The following SCMH1 variants were observed in gnomAD, a reference collection of about 807,000 sequenced individuals.
SCMH1 encodes Scm polycomb group protein homolog 1, also known as polycomb protein SCMH1.
In SCMH1, 37 loss-of-function variants were observed where a neutral mutation model predicts 70.8. The ratio of observed to expected loss-of-function variants is 0.52; its 90% CI spans 0.40 to 0.69. The LOEUF (loss-of-function observed/expected upper bound fraction) is 0.69, where lower values mean the gene tolerates loss of function less well. Among genes scored for constraint, SCMH1 ranks in the 30% least tolerant of loss-of-function variants. The pLI is 0.00. For missense variants in SCMH1, 607 were observed against 827.3 expected (o/e 0.73, Z 3.27); for synonymous variants, 292 against 307.4 (o/e 0.95, Z 0.52).
At chr1:41,132,243 A>G (rs950591708) in intron 6 of SCMH1, among the ~76,000 whole-genome samples, 10 of 152,168 alleles carry the variant, frequency 6.6e-5, no homozygotes, top group Non-Finnish European at 1.3e-4. Context: ...CGCCATTCTA[A>G]CTGGCGTGAG....
chr1:41,039,703 G>C (rs1295461403), intron 12 of SCMH1, among the ~76,000 whole-genome samples: 2 of 151,696 alleles, frequency 1.3e-5, no homozygotes, highest in Non-Finnish European at 2.9e-5. Flanking sequence ...TGAACTCCTG[G>C]CTTCAAGTGA....
chr1:41,151,786 G>T, intron 4 of SCMH1, 102 bp from the exon 5 acceptor site: 1 of 692,668 alleles, frequency 1.4e-6, no homozygotes, highest in African/African-American at 1.8e-5. Context: ...GACTGGTTTT[G>T]AGCATAAAAA....
intron 8 of SCMH1, among the ~76,000 whole-genome samples, chr1:41,097,005 G>T (rs938273596): frequency 1.3e-5 from 2 of 152,168 alleles, no homozygotes; most frequent in Non-Finnish European, 2.9e-5. Context: ...TTTTGGCAAT[G>T]TGCAATATGT....
intron 1 of SCMH1, among the ~76,000 whole-genome samples, chr1:41,222,282 AAGTG>A (rs1290964590): frequency 2.6e-5 from 4 of 152,204 alleles, no homozygotes; most frequent in Non-Finnish European, 5.9e-5. Context: ...CAACTGCTTT[AAGTG>A]ACTTGGTGCT....
At chr1:41,180,236 T>C (rs557885466) in intron 2 of SCMH1, among the ~76,000 whole-genome samples, 55 of 152,310 alleles carry the variant, frequency 3.6e-4, no homozygotes, top group South Asian at 6.2e-4. Flanking sequence ...GAGCTATCTA[T>C]GACAAACCCA....
intron 1 of SCMH1, among the ~76,000 whole-genome samples, chr1:41,213,051 G>A (rs1004027916): frequency 2.0e-5 from 3 of 152,178 alleles, no homozygotes; most frequent in Non-Finnish European, 2.9e-5. Flanking sequence ...GTAGGAACAC[G>A]AATAGTACAG....
intron 1 of SCMH1, among the ~76,000 whole-genome samples, chr1:41,213,168 A>G (rs1188997918): frequency 6.6e-6 from 1 of 152,244 alleles, no homozygotes; most frequent in Non-Finnish European, 1.5e-5. Flanking sequence ...ACATACTTGC[A>G]TTCCCAGCCT....
At chr1:41,236,012 T>C (rs1159346703) in intron 1 of SCMH1, among the ~76,000 whole-genome samples, 1 of 152,214 alleles carries the variant, frequency 6.6e-6, no homozygotes, top group African/African-American at 2.4e-5. Context: ...TTTAGACTAG[T>C]TCAAATTTTT....
chr1:41,054,443 A>G (rs1207599173), intron 10 of SCMH1, among the ~76,000 whole-genome samples: 2 of 152,152 alleles, frequency 1.3e-5, no homozygotes, highest in Admixed American at 6.5e-5. Context: ...TTACAAATAA[A>G]ATTTCTTATT....
intron 13 of SCMH1, among the ~76,000 whole-genome samples, chr1:41,034,874 G>A (rs2802549): frequency 0.76 from 115,210 of 152,040 alleles, 44,336 homozygotes; most frequent in African/African-American, 0.89. Context: ...CTGCCCCTTG[G>A]TAAATGAAGA....
intron 5 of SCMH1, among the ~76,000 whole-genome samples, chr1:41,143,680 C>T (rs149518497): frequency 2.0e-5 from 3 of 152,266 alleles, no homozygotes; most frequent in African/African-American, 7.2e-5. Flanking sequence ...AGTATCACCA[C>T]GATAAAAATA....
At chr1:41,164,768 AATTTTACAT>A (rs1245047530) in intron 2 of SCMH1, among the ~76,000 whole-genome samples, 1 of 152,076 alleles carries the variant, frequency 6.6e-6, no homozygotes, top group Non-Finnish European at 1.5e-5. Context: ...GGCCAACAAT[AATTTTACAT>A]ATTTATGGGG....
chr1:41,193,172 C>A (rs557629587), intron 1 of SCMH1, among the ~76,000 whole-genome samples: 1 of 152,334 alleles, frequency 6.6e-6, no homozygotes, highest in Non-Finnish European at 1.5e-5. Flanking sequence ...CTCAAGCATA[C>A]ACTATATCGT....
intron 6 of SCMH1, among the ~76,000 whole-genome samples, chr1:41,117,763 C>G (rs1379151794): frequency 1.3e-5 from 2 of 150,958 alleles, no homozygotes; most frequent in Non-Finnish European, 3.0e-5. Context: ...CTCTCTCTCT[C>G]CTCTCTCTCT....
At chr1:41,129,645 C>G (rs896821014) in intron 6 of SCMH1, among the ~76,000 whole-genome samples, 9 of 152,180 alleles carry the variant, frequency 5.9e-5, no homozygotes, top group Non-Finnish European at 1.3e-4. Flanking sequence ...CTTCCATCAA[C>G]AGACACTTGA....
chr1:41,036,715 A>C (rs1645350076), intron 13 of SCMH1, among the ~76,000 whole-genome samples: 2 of 152,162 alleles, frequency 1.3e-5, no homozygotes, highest in African/African-American at 4.8e-5. Context: ...TTTGAGTCTC[A>C]GTATTACATT....
At chr1:41,081,069 C>T (rs901708769) in intron 8 of SCMH1, among the ~76,000 whole-genome samples, 1 of 152,054 alleles carries the variant, frequency 6.6e-6, no homozygotes, top group African/African-American at 2.4e-5. Flanking sequence ...TCACTAGATA[C>T]AAATCTAATA....
chr1:41,070,572 G>A, intron 10 of SCMH1, 23 bp downstream of exon 10: 12 of 1,613,850 alleles, frequency 7.4e-6, no homozygotes, highest in Non-Finnish European at 1.0e-5. Flanking sequence ...TTGTGCGCAG[G>A]TAGTCCTGTC....
At chr1:41,147,609 A>G (rs1037072505) in intron 5 of SCMH1, among the ~76,000 whole-genome samples, 1 of 151,892 alleles carries the variant, frequency 6.6e-6, no homozygotes, top group Non-Finnish European at 1.5e-5. Flanking sequence ...TTTTTTCTCT[A>G]CTTGTTCTTT....
Sources: gnomAD v4.1 joint callset for allele counts (sites outside exome capture counted in the v4.1 genomes callset) on GRCh38, gnomAD v4.1.1 for gene constraint, MANE v1.5 for transcripts, NCBI Gene and HGNC (gene_info 2026-07-23, HGNC 2026-07-21) for gene names.